The following ARHGEF6 variants were observed in gnomAD, a reference collection of about 807,000 sequenced individuals.
ARHGEF6 encodes the protein rho guanine nucleotide exchange factor 6.
Under a neutral mutation model 70.3 loss-of-function variants are expected in ARHGEF6, and 9 were observed. The observed-to-expected ratio is 0.13, with a 90% CI of 0.08 to 0.22. The LOEUF (loss-of-function observed/expected upper bound fraction) is 0.22, where lower values mean the gene tolerates loss of function less well. Ranked by LOEUF, ARHGEF6 falls within the 10% of genes least tolerant of loss-of-function variation. ARHGEF6 has a pLI of 1.00. For missense variants in ARHGEF6, 470 were observed against 563.0 expected, an observed-to-expected ratio of 0.83 and a Z score of 1.67; for synonymous variants, 201 against 207.8, an observed-to-expected ratio of 0.97 and a Z score of 0.28.
intron 21 of ARHGEF6, 115 bp downstream of exon 21, chrX:136,669,367 C>G (rs2076198633): frequency 3.0e-6 from 2 of 664,330 alleles, no homozygotes; most frequent in Non-Finnish European, 4.8e-6. Context: ...ACAAGGAAAA[C>G]AAAAATCCCC....
intron 5 of ARHGEF6, 95 bp from the exon 6 acceptor site, chrX:136,732,267 G>A: frequency 4.6e-6 from 3 of 653,849 alleles, no homozygotes; most frequent in Admixed American, 5.3e-5. Context: ...AAGATTCCCA[G>A]TGGAAGGATC....
Position 136,666,123 on chromosome X carries a change from T to C in ARHGEF6, c.*1906A>G, listed in dbSNP as rs969637351. The stretch of plus-strand genomic sequence containing the variant: ...GGATGTTATATCTAAATGGCTGTGC[T>C]AAAAAACAGAACAACAGCCATTCCT... On this transcript the variant is annotated 3_prime_UTR_variant, in exon 22 of 22. Transcript: ENST00000250617. The C allele has an allele frequency of 8.9e-6, 1 of 112,527 alleles. No homozygotes were observed. The highest frequency in any genetic ancestry group is 3.2e-5 in the African/African-American group (1 of 30,907). The allele number at this position is 112,527 out of a possible 1,213,427, so 9.3% of individuals were successfully genotyped here. A position where few individuals can be genotyped will look rare whatever the true frequency, so the allele number is the denominator to read the frequency against.
At chrX:136,692,048 G>A (rs958298232) in intron 9 of ARHGEF6, among the ~76,000 whole-genome samples, 3 of 110,868 alleles carry the variant, frequency 2.7e-5, no homozygotes, top group Admixed American at 9.6e-5. Flanking sequence ...GAAACAGAGC[G>A]GATTGCAGGT....
intron 2 of ARHGEF6, among the ~76,000 whole-genome samples, 169 bp from the exon 3 acceptor site, chrX:136,747,761 G>A (rs1450737848): frequency 9.3e-6 from 1 of 107,035 alleles, no homozygotes; most frequent in Non-Finnish European, 1.9e-5. Context: ...GAGAGCAGCA[G>A]TTGAGCCGCC....
chrX:136,705,093 G>A (rs568997902), intron 9 of ARHGEF6, among the ~76,000 whole-genome samples: 42 of 111,048 alleles, frequency 3.8e-4, no homozygotes, highest in South Asian at 1.9e-3. Context: ...GCCAAGGTGG[G>A]CGGATCATTT....
At chrX:136,724,078 C>CTT (rs777860865) in intron 6 of ARHGEF6, among the ~76,000 whole-genome samples, 4 of 100,474 alleles carry the variant, frequency 4.0e-5, no homozygotes, top group Non-Finnish European at 6.1e-5. Context: ...TTTTTTCTTT[C>CTT]TTTTTTTTTT....
chrX:136,721,194 T>C (rs1352672433), intron 6 of ARHGEF6, among the ~76,000 whole-genome samples: 5 of 112,415 alleles, frequency 4.4e-5, no homozygotes, highest in Non-Finnish European at 5.6e-5. Context: ...TGCACTCCCA[T>C]GTTCATTTCA....
intron 8 of ARHGEF6, among the ~76,000 whole-genome samples, chrX:136,707,266 G>T (rs2076635918): frequency 8.9e-6 from 1 of 112,052 alleles, no homozygotes. Flanking sequence ...GGAATTAGTA[G>T]GTATGGTTGC....
In ARHGEF6 at chrX:136,676,620, A is replaced by G; in HGVS notation, c.1945+4T>C. 8.5e-7 allele frequency: 1 copy of G among 1,178,693 alleles called. No individual in the cohort carries two copies. Among genetic ancestry groups the G allele is most frequent in the Non-Finnish European group, 1.2e-6 (1 of 865,408 alleles). On this transcript the variant is annotated splice_donor_region_variant and intron_variant, in intron 18 of 21. Coordinates refer to ENST00000250617, the MANE Select transcript of ARHGEF6 (RefSeq NM_004840.3). ...ACAACTTTCAGAAAGTACAAAACAC[A>G]TACTTTTCCTAATCACATATTCCTC...
intron 9 of ARHGEF6, among the ~76,000 whole-genome samples, chrX:136,693,544 A>C (rs1383102311): frequency 2.7e-5 from 3 of 112,139 alleles, no homozygotes; most frequent in Non-Finnish European, 5.6e-5. Context: ...GTGGATTAAG[A>C]CTTGCTTTTC....
intron 2 of ARHGEF6, among the ~76,000 whole-genome samples, chrX:136,754,722 C>T (rs904726189): frequency 8.9e-6 from 1 of 112,277 alleles, no homozygotes; most frequent in East Asian, 2.8e-4. Context: ...ATAGCCCTTG[C>T]CAAGCCAAGG....
At chrX:136,740,485 C>G (rs1271082367) in intron 5 of ARHGEF6, among the ~76,000 whole-genome samples, 7 of 111,731 alleles carry the variant, frequency 6.3e-5, no homozygotes, top group Admixed American at 2.8e-4. Context: ...TTTCCTGACC[C>G]AAGCAACTCA....
chrX:136,773,932 G>A (rs1314364939), intron 2 of ARHGEF6: 1 of 111,310 alleles, frequency 9.0e-6, no homozygotes, highest in Admixed American at 9.6e-5. Context: ...AGATAAAAGT[G>A]TTTCCAGTGC....
chrX:136,767,564 T>A, intron 2 of ARHGEF6: 1 of 754,159 alleles, frequency 1.3e-6, no homozygotes, highest in Non-Finnish European at 1.6e-6. Context: ...GGGGCCGAAC[T>A]GGGGGTGCCG....
chrX:136,747,799 G>C (rs1392269377), intron 2 of ARHGEF6, among the ~76,000 whole-genome samples: 1 of 108,813 alleles, frequency 9.2e-6, no homozygotes, highest in African/African-American at 3.4e-5. Flanking sequence ...CCATCAGTGA[G>C]TCAGAGCAAA....
chrX:136,694,223 T>C (rs1455075224), intron 9 of ARHGEF6, among the ~76,000 whole-genome samples: 1 of 111,347 alleles, frequency 9.0e-6, no homozygotes, highest in Admixed American at 9.5e-5. Context: ...CGGCTAATTT[T>C]TGTGCTTTTA....
intron 21 of ARHGEF6, 68 bp downstream of exon 21, chrX:136,669,414 T>C: frequency 9.8e-7 from 1 of 1,023,857 alleles, no homozygotes; most frequent in Non-Finnish European, 1.4e-6. Flanking sequence ...CCTGAAAGCA[T>C]GAGCAGCGTG....
At chrX:136,705,395 T>C (rs1190803625) in intron 9 of ARHGEF6, among the ~76,000 whole-genome samples, 1 of 111,755 alleles carries the variant, frequency 8.9e-6, no homozygotes, top group Non-Finnish European at 1.9e-5. Context: ...CATTTTATTG[T>C]GATCCTTTAA....
At chrX:136,687,297 C>T (rs55683638) in intron 11 of ARHGEF6, among the ~76,000 whole-genome samples, 18,947 of 111,488 alleles carry the variant, frequency 0.17, 1,339 homozygotes, top group East Asian at 0.24. Flanking sequence ...TATAATGCTA[C>T]AGAATTGTGT....
Sources: gnomAD v4.1 joint callset for allele counts (sites outside exome capture counted in the v4.1 genomes callset) on GRCh38, gnomAD v4.1.1 for gene constraint, MANE v1.5 for transcripts, NCBI Gene and HGNC (gene_info 2026-07-23, HGNC 2026-07-21) for gene names.